Variants in DSCAM observed in about 807,000 individuals in gnomAD.
The protein encoded by DSCAM is cell adhesion molecule DSCAM.
A neutral mutation model predicts 217.7 loss-of-function variants in DSCAM; 47 were observed. The observed-to-expected ratio is 0.22, with a 90% confidence interval of 0.17 to 0.28. The LOEUF (loss-of-function observed/expected upper bound fraction) is 0.28, where lower values mean the gene tolerates loss of function less well. DSCAM is among the 10% of genes least tolerant of loss of function. DSCAM has a pLI of 1.00. For missense variants in DSCAM, 2,080 were observed against 2,618.3 expected (o/e 0.79, Z 4.49); for synonymous variants, 1,056 against 1,015.3 (o/e 1.04, Z -0.76).
At chr21:40,209,320 C>T (rs1266868544) in intron 11 of DSCAM, among the ~76,000 whole-genome samples, 1 of 152,270 alleles carries the variant, frequency 6.6e-6, no homozygotes, top group East Asian at 1.9e-4. Context: ...GAGCAAAATG[C>T]CAAGAAGAAG....
chr21:40,734,833 C>T (rs1261527451), intron 1 of DSCAM, among the ~76,000 whole-genome samples: 1 of 152,202 alleles, frequency 6.6e-6, no homozygotes, highest in East Asian at 1.9e-4. Flanking sequence ...GCAGTCTCTA[C>T]CGTCCCTCAG....
chr21:40,381,297 T>C (rs2075022517), intron 3 of DSCAM, among the ~76,000 whole-genome samples: 1 of 151,838 alleles, frequency 6.6e-6, no homozygotes, highest in African/African-American at 2.4e-5. Context: ...TATAGAGATA[T>C]GGAAAGGGGA....
intron 3 of DSCAM, among the ~76,000 whole-genome samples, chr21:40,652,669 G>A (rs188853193): frequency 1.7e-4 from 26 of 152,280 alleles, no homozygotes; most frequent in African/African-American, 6.0e-4. Flanking sequence ...CAGGCTTAGG[G>A]GGTCCAAATC....
intron 3 of DSCAM, among the ~76,000 whole-genome samples, chr21:40,617,585 G>A (rs1412524740): frequency 6.6e-6 from 1 of 152,242 alleles, no homozygotes; most frequent in Non-Finnish European, 1.5e-5. Context: ...TGGCGCTGTA[G>A]ACATTTGGAG....
chr21:40,169,673 G>C (rs977728124), intron 15 of DSCAM, among the ~76,000 whole-genome samples: 1 of 152,102 alleles, frequency 6.6e-6, no homozygotes, highest in Non-Finnish European at 1.5e-5. Context: ...GAAAGGAAAT[G>C]GGGACATTGC....
At chr21:40,297,187 A>T (rs2073964596) in intron 9 of DSCAM, among the ~76,000 whole-genome samples, 1 of 152,190 alleles carries the variant, frequency 6.6e-6, no homozygotes. Flanking sequence ...TATCTGGTGA[A>T]TGTTGTGAGG....
At chr21:40,384,883 C>T (rs1276328611) in intron 3 of DSCAM, 2 of 152,156 alleles carry the variant, frequency 1.3e-5, no homozygotes, top group African/African-American at 4.8e-5. Flanking sequence ...ATAGGCATGA[C>T]ATACTCATCC....
At chr21:40,805,625 C>A (rs1407635125) in intron 1 of DSCAM, among the ~76,000 whole-genome samples, 1 of 152,020 alleles carries the variant, frequency 6.6e-6, no homozygotes, top group Non-Finnish European at 1.5e-5. Context: ...CATCACACAG[C>A]CCTATACCAT....
chr21:40,044,799 C>T lies in DSCAM; in HGVS notation c.5186-524G>A, dbSNP rs73362110. Among the ~76,000 whole-genome samples, 1,320 of 152,268 alleles carry T rather than the reference C, an allele frequency of 8.7e-3. 19 individuals are homozygous for T. Among genetic ancestry groups the T allele is most frequent in the African/African-American group, 0.03 (1,244 of 41,548 alleles). ...CACATCATTTAAACTTCCTGGGCAT[C>T]GTCATATTCTGTAAAACAAGGAAGC... On this transcript the variant is annotated intron_variant, in intron 30 of 32. Coordinates refer to ENST00000400454, the MANE Select transcript of DSCAM (RefSeq NM_001389.5).
At chr21:40,039,026 G>T (rs574279035) in intron 32 of DSCAM, among the ~76,000 whole-genome samples, 1 of 120,826 alleles carries the variant, frequency 8.3e-6, no homozygotes, top group Non-Finnish European at 1.7e-5. Context: ...GTGGGGTGGG[G>T]GGAGGGGGGA....
chr21:40,452,033 G>A (rs1006299487), intron 3 of DSCAM, among the ~76,000 whole-genome samples: 6 of 152,130 alleles, frequency 3.9e-5, no homozygotes, highest in East Asian at 1.9e-4. Context: ...ATGAAGTACC[G>A]ATAGGCCCCT....
chr21:40,522,686 A>T (rs2076368653), intron 3 of DSCAM, among the ~76,000 whole-genome samples: 1 of 152,226 alleles, frequency 6.6e-6, no homozygotes, highest in South Asian at 2.1e-4. Flanking sequence ...TGAGCAAAAC[A>T]AACTTCGCTT....
intron 3 of DSCAM, among the ~76,000 whole-genome samples, chr21:40,692,337 A>C (rs2090547198): frequency 6.6e-6 from 1 of 152,242 alleles, no homozygotes. Flanking sequence ...TGCTACATAT[A>C]TATTCTTAGT....
At position 40,177,731 on chromosome 21, in the gene DSCAM, C is replaced by G. The variant is rs73904715; in HGVS notation, c.2947+1196G>C. 1.6e-4 allele frequency among the ~76,000 whole-genome samples: 25 copies of G among 152,208 alleles called. 1 individual carries two copies. The highest frequency in any genetic ancestry group is 5.3e-4 in the African/African-American group (22 of 41,520). ...TTGGCAATATGAGATTTGTTAAACA[C>G]ATAGTGAGAGATATCATTACAAATT... On this transcript the variant is annotated intron_variant, in intron 15 of 32. Coordinates refer to ENST00000400454, the MANE Select transcript of DSCAM (RefSeq NM_001389.5).
At chr21:40,698,164 G>A in intron 2 of DSCAM, among the ~76,000 whole-genome samples, 1 of 152,182 alleles carries the variant, frequency 6.6e-6, no homozygotes, top group Non-Finnish European at 1.5e-5. Flanking sequence ...TATTGAGCAA[G>A]AGATCACACG....
rs555464881 is a variant in DSCAM, at chr21:40,722,779, G to A, written c.44-14008C>T. 2.0e-5 allele frequency among the ~76,000 whole-genome samples: 3 copies of A among 151,816 alleles called. No homozygotes were observed. The East Asian group carries it at 5.8e-4, about 29-fold the overall frequency. ...TAAATACCTAACTATACGCTATCCA[G>A]GAGAAATTCTATTATAAAGAAACTG... On this transcript the variant is annotated intron_variant, in intron 1 of 32. Coordinates refer to ENST00000400454, the MANE Select transcript of DSCAM (RefSeq NM_001389.5).
At chr21:40,119,245 C>T (rs188394248) in intron 20 of DSCAM, among the ~76,000 whole-genome samples, 51 of 152,176 alleles carry the variant, frequency 3.4e-4, no homozygotes, top group Admixed American at 3.1e-3. Context: ...AAGAGTAGTG[C>T]TCTATGTTTA....
chr21:40,666,670 T>G (rs1040077030), intron 3 of DSCAM, among the ~76,000 whole-genome samples: 4 of 152,214 alleles, frequency 2.6e-5, no homozygotes, highest in African/African-American at 7.2e-5. Context: ...TTGAAATATT[T>G]AGGCCCTCAG....
At chr21:40,557,870 A>G (rs1227395584) in intron 3 of DSCAM, among the ~76,000 whole-genome samples, 2 of 152,202 alleles carry the variant, frequency 1.3e-5, no homozygotes, top group Non-Finnish European at 2.9e-5. Flanking sequence ...ACACGCACTG[A>G]TATCTCACTA....
Sources: gnomAD v4.1 joint callset for allele counts (sites outside exome capture counted in the v4.1 genomes callset) on GRCh38, gnomAD v4.1.1 for gene constraint, MANE v1.5 for transcripts, NCBI Gene and HGNC (gene_info 2026-07-23, HGNC 2026-07-21) for gene names.